Variants in DCUN1D4 observed in about 807,000 individuals in gnomAD.
The protein encoded by DCUN1D4 is defective in cullin neddylation 1 domain containing 4, also known as DCN1-like protein 4.
A neutral mutation model predicts 47.9 loss-of-function variants in DCUN1D4; 22 were observed. That is an observed-to-expected ratio of 0.46 (90% CI 0.33 to 0.66). The LOEUF is 0.66. Among genes scored for constraint, DCUN1D4 ranks in the 30% least tolerant of loss-of-function variants. The probability of loss-of-function intolerance (pLI) is 0.02; values close to 1 mark genes in which losing one functional copy is unlikely to be tolerated. For synonymous variants in DCUN1D4, 121 were observed against 112.2 expected, an observed-to-expected ratio of 1.08 and a Z score of -0.50; for missense variants, 301 against 340.8, an observed-to-expected ratio of 0.88 and a Z score of 0.92.
chr4:51,912,693 T>A (rs1360595886), intron 9 of DCUN1D4, among the ~76,000 whole-genome samples: 1 of 152,232 alleles, frequency 6.6e-6, no homozygotes. Context: ...GCTTCTTTTA[T>A]GATCAGATTC....
At chr4:51,877,535 C>A in intron 4 of DCUN1D4, 1 of 326,576 alleles carries the variant, frequency 3.1e-6, no homozygotes, top group Non-Finnish European at 5.6e-6. Context: ...ATTTGTTAAT[C>A]AGAGAAAAAC....
chr4:51,860,807 AC>A, intron 1 of DCUN1D4: 1 of 310,698 alleles, frequency 3.2e-6, no homozygotes, highest in African/African-American at 2.2e-5. Flanking sequence ...ACTGAGAATT[AC>A]AGTTCAACAT....
the DCUN1D4 span, among the ~76,000 whole-genome samples, chr4:51,833,918 T>C: frequency 6.6e-6 from 1 of 151,958 alleles, no homozygotes; most frequent in African/African-American, 2.4e-5. Flanking sequence ...CTTTAAGCTG[T>C]GGCATCAAGG....
intron 8 of DCUN1D4, 101 bp from the exon 9 acceptor site, chr4:51,910,969 G>A (rs961797549): frequency 2.6e-6 from 3 of 1,152,290 alleles, no homozygotes; most frequent in African/African-American, 1.5e-5. Context: ...TGATAAATGA[G>A]CTGTTTACTA....
chr4:51,906,262 T>C (rs1732878191), intron 8 of DCUN1D4, among the ~76,000 whole-genome samples: 1 of 152,128 alleles, frequency 6.6e-6, no homozygotes, highest in Non-Finnish European at 1.5e-5. Flanking sequence ...TTCAGGAAGC[T>C]GTAAGCAGCC....
rs1169819731 is a variant in DCUN1D4, at chr4:51,914,150, AATG to A, written c.*571_*573del. The A allele has an allele frequency of 6.6e-6, 1 of 152,374 alleles. No homozygotes were observed. Among genetic ancestry groups the A allele is most frequent in the Non-Finnish European group, 1.5e-5 (1 of 68,170 alleles). The allele number at this position is 152,374 out of a possible 1,614,324, so 9.4% of individuals were successfully genotyped here. On this transcript the variant is annotated 3_prime_UTR_variant, in exon 11 of 11. Transcript: ENST00000334635. ...ATACTTAACAATATTAGTGTTTTAA[AATG>A]ATGAGTTATAATTATTTGAACATAT...
chr4:51,840,461 G>A (rs1195665992), upstream of DCUN1D4, among the ~76,000 whole-genome samples: 1 of 152,226 alleles, frequency 6.6e-6, no homozygotes, highest in Non-Finnish European at 1.5e-5. Flanking sequence ...GGATAGAGTT[G>A]AGAAACCTGA....
At chr4:51,905,325 GT>G (rs1477077956) in intron 8 of DCUN1D4, 18 of 404,840 alleles carry the variant, frequency 4.4e-5, no homozygotes, top group South Asian at 2.8e-4. Flanking sequence ...GTCCAGGCCA[GT>G]GTCCTTCACA....
At position 51,843,280 on chromosome 4, in the gene DCUN1D4, G is replaced by GAGCC. The variant is rs765367709; in HGVS notation, c.25+21_25+24dup. ...GCCGCCGCTGTCAGTGAGTAGCAGA[G>GAGCC]AGCCAGCCAGCGGGCCGGGGCCGGG... On this transcript the variant is annotated intron_variant, in intron 1 of 10. Coordinates refer to ENST00000334635, the MANE Select transcript of DCUN1D4 (RefSeq NM_001040402.3). 3 of 1,529,270 alleles carry GAGCC rather than the reference G, an allele frequency of 2.0e-6. No individual in the cohort carries two copies. In the South Asian group the frequency reaches 3.7e-5, roughly 19 times the overall value. 94.7% of individuals were successfully genotyped at this position (1,529,270 alleles called of 1,614,324 possible). A position where few individuals can be genotyped will look rare whatever the true frequency, so the allele number is the denominator to read the frequency against.
chr4:51,898,792 A>C (rs1372945726), intron 7 of DCUN1D4, among the ~76,000 whole-genome samples: 2 of 152,380 alleles, frequency 1.3e-5, no homozygotes, highest in African/African-American at 4.8e-5. Context: ...GACTAAGGAA[A>C]TATGACAGCT....
chr4:51,911,516 T>C (rs1022487489), intron 9 of DCUN1D4, among the ~76,000 whole-genome samples: 1 of 152,204 alleles, frequency 6.6e-6, no homozygotes. Context: ...CTTTTGACTT[T>C]AGATGAACTT....
At chr4:51,896,018 G>T (rs965541272) in intron 7 of DCUN1D4, among the ~76,000 whole-genome samples, 2 of 152,072 alleles carry the variant, frequency 1.3e-5, no homozygotes, top group African/African-American at 4.8e-5. Flanking sequence ...TTCTGGACAG[G>T]GTGACTCAGC....
chr4:51,858,297 G>A lies in DCUN1D4; in HGVS notation c.26-5140G>A, dbSNP rs532859733. On this transcript the variant is annotated intron_variant, in intron 1 of 10. Coordinates refer to ENST00000334635, the MANE Select transcript of DCUN1D4 (RefSeq NM_001040402.3). Reference sequence around the variant, plus strand: ...GAGAGCAACCATGTTATTATTAGGGGGAAGAGCGCTCAAGGTAAGGAGAAC... The same window carrying A: ...GAGAGCAACCATGTTATTATTAGGGAGAAGAGCGCTCAAGGTAAGGAGAAC... 1.4e-4 allele frequency among the ~76,000 whole-genome samples: 21 copies of A among 152,232 alleles called. No homozygotes were observed. In the East Asian group the frequency reaches 3.1e-3, roughly 22 times the overall value.
chr4:51,843,139 G>T, upstream of DCUN1D4: 3 of 1,503,016 alleles, frequency 2.0e-6, no homozygotes, highest in South Asian at 1.3e-5. Flanking sequence ...GGGAGTGCCC[G>T]GCGGCGGGTC....
chr4:51,904,479 A>G (rs1199239061), intron 8 of DCUN1D4, among the ~76,000 whole-genome samples: 1 of 152,172 alleles, frequency 6.6e-6, no homozygotes, highest in Non-Finnish European at 1.5e-5. Flanking sequence ...TTGGCTGCAT[A>G]AATTATAGTT....
At chr4:51,911,346 G>A (rs1430125937) in intron 9 of DCUN1D4, among the ~76,000 whole-genome samples, 172 bp downstream of exon 9, 1 of 152,180 alleles carries the variant, frequency 6.6e-6, no homozygotes, top group South Asian at 2.1e-4. Context: ...GAGTGCATCT[G>A]TGTATGCGTT....
At chr4:51,848,272 G>T in intron 1 of DCUN1D4, 1 of 1,289,366 alleles carries the variant, frequency 7.8e-7, no homozygotes, top group Non-Finnish European at 1.0e-6. Flanking sequence ...GTGATGTGCT[G>T]AGGGAACAGA....
At chr4:51,834,078 CTCTCTCTCT>C in the DCUN1D4 span, among the ~76,000 whole-genome samples, 37 of 86,442 alleles carry the variant, frequency 4.3e-4, no homozygotes, top group East Asian at 2.9e-3. Flanking sequence ...CTCTCTCTCT[CTCTCTCTCT>C]TTTCTTTTCT....
In DCUN1D4 at chr4:51,899,255, A is replaced by G. The variant is rs376925484; in HGVS notation, c.507-15A>G. The G allele has an allele frequency of 2.5e-6, 4 of 1,582,580 alleles. No homozygotes were observed. Among genetic ancestry groups the G allele is most frequent in the Non-Finnish European group, 3.4e-6 (4 of 1,169,010 alleles). On this transcript the variant is annotated splice_polypyrimidine_tract_variant and intron_variant, in intron 7 of 10. Coordinates refer to ENST00000334635, the MANE Select transcript of DCUN1D4 (RefSeq NM_001040402.3). The stretch of plus-strand genomic sequence containing the variant: ...TGAACTCAGGTCATAATTTGCCTTT[A>G]TTCTGTTTTTCTAGATGTGATACAA...
Sources: allele counts gnomAD v4.1 joint callset (sites outside exome capture counted in the v4.1 genomes callset), GRCh38; gene constraint gnomAD v4.1.1; transcripts MANE v1.5; gene names NCBI Gene and HGNC (gene_info 2026-07-23, HGNC 2026-07-21).